Variants in ZSWIM6 observed in about 807,000 individuals in gnomAD.
The protein encoded by ZSWIM6 is zinc finger SWIM domain-containing protein 6.
ZSWIM6 carries 9 observed loss-of-function variants against 113.2 expected under a neutral mutation model. That is an observed-to-expected ratio of 0.08 (90% CI 0.05 to 0.14). The LOEUF (loss-of-function observed/expected upper bound fraction) is 0.14. Among genes scored for constraint, ZSWIM6 ranks in the 10% least tolerant of loss-of-function variants. ZSWIM6 has a pLI of 1.00. For synonymous variants in ZSWIM6, 611 were observed against 606.5 expected (o/e 1.01, Z -0.11); for missense variants, 1,162 against 1,552.2 (o/e 0.75, Z 4.22).
chr5:61,496,058 T>A (rs1195982741), intron 4 of ZSWIM6, among the ~76,000 whole-genome samples: 6 of 152,174 alleles, frequency 3.9e-5, no homozygotes, highest in Non-Finnish European at 8.8e-5. Context: ...ATGTCACTTT[T>A]CCAAGTGGGT....
chr5:61,535,373 A>G (rs1749547199), intron 9 of ZSWIM6, 111 bp from the exon 10 acceptor site: 1 of 1,283,690 alleles, frequency 7.8e-7, no homozygotes, highest in African/African-American at 1.5e-5. Context: ...ATTTACTTGA[A>G]ATTCTTATTT....
chr5:61,409,735 T>G (rs1043362256), intron 1 of ZSWIM6, among the ~76,000 whole-genome samples: 1 of 152,236 alleles, frequency 6.6e-6, no homozygotes, highest in African/African-American at 2.4e-5. Context: ...TGCAAATTTA[T>G]TAGCTTTTTG....
chr5:61,388,057 A>C (rs1418831713), intron 1 of ZSWIM6, among the ~76,000 whole-genome samples: 1 of 142,472 alleles, frequency 7.0e-6, no homozygotes, highest in Non-Finnish European at 1.5e-5. Flanking sequence ...AACTCTGCTC[A>C]CTGCAACCTC....
chr5:61,369,971 C>T (rs1745230612), intron 1 of ZSWIM6, among the ~76,000 whole-genome samples: 2 of 152,118 alleles, frequency 1.3e-5, no homozygotes, highest in East Asian at 3.8e-4. Flanking sequence ...GAGGCTATAG[C>T]ATAAATCAGA....
intron 1 of ZSWIM6, among the ~76,000 whole-genome samples, chr5:61,406,690 T>TTTTATTTATTTATTTATTTATTTA (rs3067225): frequency 3.4e-5 from 5 of 145,878 alleles, no homozygotes; most frequent in African/African-American, 1.0e-4. Flanking sequence ...CTCAGAAATC[T>TTTTATTTATTTATTTATTTATTTA]TTTATTTATT....
At chr5:61,412,995 T>C (rs921398425) in intron 1 of ZSWIM6, among the ~76,000 whole-genome samples, 4 of 151,844 alleles carry the variant, frequency 2.6e-5, no homozygotes, top group Non-Finnish European at 5.9e-5. Context: ...TATTGTTTAT[T>C]TTCTTTTTTT....
Position 61,472,599 on chromosome 5 carries a change from C to A in ZSWIM6, c.677-82C>A. ...ATTTTTTTCTTGCTGCTGTCAAGTCCCACACATTTCAAAGAATTAGAGCAT... is the reference window on the plus strand; with the variant it reads ...ATTTTTTTCTTGCTGCTGTCAAGTCACACACATTTCAAAGAATTAGAGCAT... On this transcript the variant is annotated intron_variant, in intron 1 of 13. Coordinates refer to ENST00000252744, the MANE Select transcript of ZSWIM6 (RefSeq NM_020928.2). This position sits in a 1 kb window ranked among gnomAD's most constrained non-coding sequence, Gnocchi z 4.1. The A allele has an allele frequency of 8.8e-7, 1 of 1,141,458 alleles. No homozygotes were observed. Among genetic ancestry groups the A allele is most frequent in the Non-Finnish European group, 1.2e-6 (1 of 836,970 alleles). 70.7% of individuals were successfully genotyped at this position (1,141,458 alleles called of 1,614,324 possible). A position where few individuals can be genotyped will look rare whatever the true frequency, so the allele number is the denominator to read the frequency against.
At chr5:61,492,806 C>A (rs927806907) in intron 3 of ZSWIM6, among the ~76,000 whole-genome samples, 20 of 152,016 alleles carry the variant, frequency 1.3e-4, no homozygotes, top group Non-Finnish European at 1.8e-4. Context: ...CTTGAGGGTG[C>A]AGACCTCAGG....
At chr5:61,482,774 G>A (rs1747909455) in intron 2 of ZSWIM6, among the ~76,000 whole-genome samples, 1 of 151,914 alleles carries the variant, frequency 6.6e-6, no homozygotes. Flanking sequence ...TAGAATTTTA[G>A]AGTTAAGGAA....
chr5:61,344,427 C>T (rs556757270), intron 1 of ZSWIM6, among the ~76,000 whole-genome samples: 3 of 152,274 alleles, frequency 2.0e-5, no homozygotes, highest in East Asian at 3.9e-4. Context: ...GCAGCAGGTG[C>T]GGAAGACTGT....
chr5:61,408,874 A>G (rs956412356), intron 1 of ZSWIM6, among the ~76,000 whole-genome samples: 6 of 152,040 alleles, frequency 3.9e-5, no homozygotes, highest in African/African-American at 1.4e-4. Flanking sequence ...GCCGCAGGCC[A>G]GAGTCAGAGA....
intron 1 of ZSWIM6, among the ~76,000 whole-genome samples, chr5:61,374,199 A>G (rs1745322155): frequency 6.6e-6 from 1 of 152,226 alleles, no homozygotes; most frequent in African/African-American, 2.4e-5. Flanking sequence ...TATGTTCAAA[A>G]GAAAAGATTT....
intron 1 of ZSWIM6, among the ~76,000 whole-genome samples, chr5:61,397,208 G>A (rs142806457): frequency 1.4e-3 from 211 of 152,202 alleles, no homozygotes; most frequent in African/African-American, 4.6e-3. Context: ...CTTCCTGTCC[G>A]CCAAAAACAT....
At chr5:61,491,814 T>A (rs77122795) in intron 3 of ZSWIM6, among the ~76,000 whole-genome samples, 12 of 58,476 alleles carry the variant, frequency 2.1e-4, no homozygotes, top group African/African-American at 7.2e-4. Flanking sequence ...TAATTAAAAG[T>A]TTTTTTTTTA....
chr5:61,372,172 C>G (rs765373536), intron 1 of ZSWIM6, among the ~76,000 whole-genome samples: 1 of 151,968 alleles, frequency 6.6e-6, no homozygotes, highest in Non-Finnish European at 1.5e-5. Context: ...ATTCGTTTCC[C>G]TTTCTACCAT....
rs186033249 is a variant in ZSWIM6, at chr5:61,502,822, C to T, written c.1333+8412C>T. 1.5e-3 allele frequency among the ~76,000 whole-genome samples: 221 copies of T among 152,224 alleles called. 1 individual carries two copies. Among genetic ancestry groups the T allele is most frequent in the African/African-American group, 4.9e-3 (202 of 41,546 alleles). On this transcript the variant is annotated intron_variant, in intron 4 of 13. Transcript: ENST00000252744. ...CTGCACACATGAGGGATCGAGGTTG[C>T]GTGCTCCTTATGAGAATCTAATGCC...
chr5:61,540,928 TTTTTTTTTTG>T (rs942583119), intron 12 of ZSWIM6, among the ~76,000 whole-genome samples: 1 of 108,594 alleles, frequency 9.2e-6, no homozygotes, highest in African/African-American at 3.7e-5. Flanking sequence ...TTTTTTTTTT[TTTTTTTTTTG>T]TTGTTGTTGT....
chr5:61,457,151 C>T (rs1024681412), intron 1 of ZSWIM6, among the ~76,000 whole-genome samples: 2 of 151,646 alleles, frequency 1.3e-5, no homozygotes, highest in South Asian at 2.1e-4. Context: ...TGAGAATATG[C>T]GGTGTTTGTA....
intron 1 of ZSWIM6, among the ~76,000 whole-genome samples, chr5:61,392,774 T>A (rs1199860307): frequency 6.6e-6 from 1 of 151,242 alleles, no homozygotes; most frequent in Non-Finnish European, 1.5e-5. Context: ...CACCACCCCC[T>A]GCTAATTTTG....
Sources: allele counts gnomAD v4.1 joint callset (sites outside exome capture counted in the v4.1 genomes callset), GRCh38; gene constraint gnomAD v4.1.1; non-coding constraint Gnocchi (gnomAD v3.1); transcripts MANE v1.5; gene names NCBI Gene and HGNC (gene_info 2026-07-23, HGNC 2026-07-21).